Variants in LINGO2 observed in about 807,000 individuals in gnomAD.
LINGO2 encodes leucine rich repeat and Ig domain containing 2, also known as leucine-rich repeat and immunoglobulin-like domain-containing nogo receptor-interacting protein 2.
Under a neutral mutation model 30.6 loss-of-function variants are expected in LINGO2, and 14 were observed. The observed-to-expected ratio is 0.46, with a 90% CI of 0.30 to 0.72. The LOEUF (loss-of-function observed/expected upper bound fraction) is 0.72, where lower values mean the gene tolerates loss of function less well. LINGO2 is among the 30% of genes least tolerant of loss of function. LINGO2 has a pLI of 0.07. For synonymous variants in LINGO2, 317 were observed against 288.5 expected, an observed-to-expected ratio of 1.10 and a Z score of -1.00; for missense variants, 729 against 751.7, an observed-to-expected ratio of 0.97 and a Z score of 0.35.
At chr9:28,424,432 G>A (rs768214715) in intron 2 of LINGO2, among the ~76,000 whole-genome samples, 1 of 152,082 alleles carries the variant, frequency 6.6e-6, no homozygotes, top group Non-Finnish European at 1.5e-5. Flanking sequence ...CCAGACATGT[G>A]AGTGTGGTCG....
At chr9:28,586,789 G>C (rs1278991760) in intron 1 of LINGO2, among the ~76,000 whole-genome samples, 6 of 151,940 alleles carry the variant, frequency 3.9e-5, no homozygotes, top group Non-Finnish European at 8.8e-5. Context: ...GAGAGGTTAA[G>C]CCTGGCACTG....
chr9:28,684,771 A>G, the LINGO2 span, among the ~76,000 whole-genome samples: 1 of 150,284 alleles, frequency 6.7e-6, no homozygotes, highest in Non-Finnish European at 1.5e-5. Flanking sequence ...TGTCCACCTC[A>G]GCCTCCCAAA....
chr9:28,526,019 G>A (rs1224766641), intron 1 of LINGO2, among the ~76,000 whole-genome samples: 7 of 127,728 alleles, frequency 5.5e-5, no homozygotes, highest in Non-Finnish European at 1.1e-4. Flanking sequence ...TTGCGCCACT[G>A]CACTCCAGCC....
At chr9:28,925,776 A>G in the LINGO2 span, among the ~76,000 whole-genome samples, 1 of 152,222 alleles carries the variant, frequency 6.6e-6, no homozygotes, top group East Asian at 1.9e-4. Context: ...AGTCAGCTAT[A>G]GAAGACAAAT....
At chr9:29,054,409 T>C in the LINGO2 span, among the ~76,000 whole-genome samples, 1 of 152,194 alleles carries the variant, frequency 6.6e-6, no homozygotes, top group African/African-American at 2.4e-5. Context: ...AACTCCAAGT[T>C]TCTTTGGATT....
chr9:28,502,245 AC>A (rs1217615722), intron 1 of LINGO2, among the ~76,000 whole-genome samples: 1 of 151,704 alleles, frequency 6.6e-6, no homozygotes, highest in Non-Finnish European at 1.5e-5. Flanking sequence ...ACCACCCTCT[AC>A]TTGTCTGTAT....
chr9:28,442,680 A>G (rs143719168), intron 2 of LINGO2, among the ~76,000 whole-genome samples: 3 of 152,152 alleles, frequency 2.0e-5, no homozygotes, highest in Non-Finnish European at 4.4e-5. Flanking sequence ...AAGAGTTTAC[A>G]TTCAGGAGAG....
the LINGO2 span, among the ~76,000 whole-genome samples, chr9:28,941,349 G>A: frequency 6.6e-6 from 1 of 152,106 alleles, no homozygotes; most frequent in Admixed American, 6.6e-5. Flanking sequence ...AAGCTGAGAA[G>A]AAACAAACGA....
intron 2 of LINGO2, among the ~76,000 whole-genome samples, chr9:28,398,770 C>A (rs1381892663): frequency 6.6e-6 from 1 of 152,010 alleles, no homozygotes; most frequent in African/African-American, 2.4e-5. Flanking sequence ...TAACAACCTG[C>A]ATATTTCTTT....
At chr9:28,685,274 G>C in the LINGO2 span, among the ~76,000 whole-genome samples, 5 of 152,034 alleles carry the variant, frequency 3.3e-5, no homozygotes, top group Non-Finnish European at 7.4e-5. Context: ...ATTGTGAATA[G>C]AGGAGCACCA....
the LINGO2 span, among the ~76,000 whole-genome samples, chr9:28,833,881 A>T: frequency 3.3e-5 from 5 of 152,212 alleles, no homozygotes; most frequent in Admixed American, 2.6e-4. Flanking sequence ...TCCCAGCCCA[A>T]GGTCTGCCTG....
At chr9:28,259,308 A>T (rs779778324) in intron 4 of LINGO2, among the ~76,000 whole-genome samples, 15 of 152,056 alleles carry the variant, frequency 9.9e-5, no homozygotes, top group Admixed American at 9.8e-4. Context: ...AAAATGTATG[A>T]CTATGGTAGA....
At chr9:28,766,907 G>C in the LINGO2 span, among the ~76,000 whole-genome samples, 1 of 150,592 alleles carries the variant, frequency 6.6e-6, no homozygotes, top group Non-Finnish European at 1.5e-5. Context: ...GAACATGGAG[G>C]ACATTATGTT....
intron 5 of LINGO2, among the ~76,000 whole-genome samples, chr9:27,989,807 A>G (rs1284215982): frequency 2.6e-5 from 4 of 152,058 alleles, no homozygotes; most frequent in Non-Finnish European, 5.9e-5. Flanking sequence ...GGAAAGCTTA[A>G]TGATGAAGTT....
At chr9:28,754,711 A>G in the LINGO2 span, among the ~76,000 whole-genome samples, 1 of 150,584 alleles carries the variant, frequency 6.6e-6, no homozygotes, top group Non-Finnish European at 1.5e-5. Context: ...GCTCCCTGCA[A>G]CCTCCACCTC....
chr9:29,069,382 G>T, the LINGO2 span, among the ~76,000 whole-genome samples: 1 of 151,688 alleles, frequency 6.6e-6, no homozygotes, highest in Admixed American at 6.6e-5. Flanking sequence ...TCCTAGGTCT[G>T]AAAAGTTATA....
Position 28,302,788 on chromosome 9 carries a change from T to G in LINGO2, c.-245-7422A>C, listed in dbSNP as rs190564202. Among the ~76,000 whole-genome samples the G allele has an allele frequency of 4.8e-4, 73 of 152,296 alleles. 1 individual carries two copies. The South Asian group carries it at 8.7e-3, about 18-fold the overall frequency. On this transcript the variant is annotated intron_variant, in intron 3 of 5. Coordinates refer to ENST00000379992, the Ensembl canonical transcript of LINGO2. ...TAATAAGTATTTGGCAAGTGACCAT[T>G]GAGAATTAGTGTGTCACATTGTATG...
chr9:29,202,812 G>A, the LINGO2 span, among the ~76,000 whole-genome samples: 485 of 152,040 alleles, frequency 3.2e-3, 6 homozygotes, highest in African/African-American at 0.011. Context: ...GCATTCCTAT[G>A]AACTGATGAA....
At chr9:28,634,610 C>T (rs1010854286) in intron 1 of LINGO2, among the ~76,000 whole-genome samples, 33 of 151,658 alleles carry the variant, frequency 2.2e-4, no homozygotes, top group African/African-American at 7.0e-4. Flanking sequence ...CTCAGCCTCC[C>T]GAGTAGCTGG....
Sources: gnomAD v4.1 joint callset for allele counts (sites outside exome capture counted in the v4.1 genomes callset) on GRCh38, gnomAD v4.1.1 for gene constraint, MANE v1.5 for transcripts, NCBI Gene and HGNC (gene_info 2026-07-23, HGNC 2026-07-21) for gene names.